The following PDZD8 variants were observed in gnomAD, a reference collection of about 807,000 sequenced individuals.
The protein encoded by PDZD8 is PDZ domain containing 8.
In PDZD8, 14 loss-of-function variants were observed where a neutral mutation model predicts 85.8. The observed-to-expected ratio is 0.16, with a 90% confidence interval of 0.11 to 0.26. The LOEUF (loss-of-function observed/expected upper bound fraction) is 0.26, where lower values mean the gene tolerates loss of function less well. Among genes scored for constraint, PDZD8 ranks in the 10% least tolerant of loss-of-function variants. PDZD8 has a pLI of 1.00. For missense variants in PDZD8, 1,197 were observed against 1,424.3 expected (o/e 0.84, Z 2.57); for synonymous variants, 592 against 568.6 (o/e 1.04, Z -0.59).
chr10:117,331,098 G>A (rs1420639342), intron 2 of PDZD8, among the ~76,000 whole-genome samples: 1 of 152,120 alleles, frequency 6.6e-6, no homozygotes, highest in Non-Finnish European at 1.5e-5. Context: ...TTGTCTGTTA[G>A]CCCTAACTAC....
chr10:117,331,213 G>A (rs1263433223), intron 2 of PDZD8, among the ~76,000 whole-genome samples: 1 of 152,222 alleles, frequency 6.6e-6, no homozygotes, highest in Non-Finnish European at 1.5e-5. Context: ...ACTGGTGGTA[G>A]TGTGGTGGAA....
rs749864097 is a variant in PDZD8, at chr10:117,283,476, G to A, written c.3257C>T (p.Ala1086Val). Residue 1086 changes from alanine (A) to valine (V), a missense_variant, in exon 5 of 5, where the codon GCT becomes GTT. By Grantham distance (64) the Ala-to-Val change is moderately conservative (BLOSUM62 0). Around this residue, in one of 4 missense-constraint regions of PDZD8, gnomAD observed 418 missense variants for 571.1 expected, o/e 0.73. Coordinates refer to ENST00000334464, the MANE Select transcript of PDZD8 (RefSeq NM_173791.5). ...GTAGTGAATCATAAGAAGTGTTAGA[G>A]CTTGTAGCCTTTCACCTGATTTAGC... ...ALAKSGERLQ[A>V]LTLLMIHYRA... 1 of 1,614,102 alleles carries A rather than the reference G, an allele frequency of 6.2e-7. No homozygotes were observed. The highest frequency in any genetic ancestry group is 2.2e-5 in the East Asian group (1 of 44,882).
chr10:117,278,519 A>G lies in PDZD8; in HGVS notation c.*4749T>C, dbSNP rs953120077. 2.0e-5 allele frequency: 3 copies of G among 152,174 alleles called. No individual in the cohort carries two copies. The highest frequency in any genetic ancestry group is 2.0e-4 in the Admixed American group (3 of 15,280). The allele number at this position is 152,174 out of a possible 1,614,324, so 9.4% of individuals were successfully genotyped here. On this transcript the variant is annotated 3_prime_UTR_variant, in exon 5 of 5. Transcript: ENST00000334464. ...CAAATACTGTTAGTGAACATTGTCA[A>G]TTTATGTCATTTTGTTAAGAGATAT...
At chr10:117,330,243 C>T (rs184582300) in intron 2 of PDZD8, among the ~76,000 whole-genome samples, 3 of 152,100 alleles carry the variant, frequency 2.0e-5, no homozygotes, top group Admixed American at 2.0e-4. Context: ...CTCAATTTTC[C>T]TCAATTTTCA....
Position 117,356,639 on chromosome 10 carries a change from AAATT to A in PDZD8, c.873-15541_873-15538del, listed in dbSNP as rs1267355667. Among the ~76,000 whole-genome samples, 477 of 152,370 alleles carry A rather than the reference AAATT, an allele frequency of 3.1e-3. 3 individuals carry two copies. Among genetic ancestry groups the A allele is most frequent in the African/African-American group, 0.011 (462 of 41,594 alleles). ...ATTCCTGACCGCATTTACAAAAGCT[AAATT>A]AGGCTGGTGTGATAAGAGAATAATA... is the stretch of plus-strand genomic sequence containing the variant. On this transcript the variant is annotated intron_variant, in intron 1 of 4. Coordinates refer to ENST00000334464, the MANE Select transcript of PDZD8 (RefSeq NM_173791.5).
chr10:117,291,533 A>AG (rs1315072433), intron 3 of PDZD8, among the ~76,000 whole-genome samples: 1 of 150,390 alleles, frequency 6.6e-6, no homozygotes, highest in Non-Finnish European at 1.5e-5. Context: ...CACCTCAGAA[A>AG]AAAAAAAAGA....
At chr10:117,294,204 G>C (rs1843713207) in intron 3 of PDZD8, among the ~76,000 whole-genome samples, 1 of 151,610 alleles carries the variant, frequency 6.6e-6, no homozygotes, top group Non-Finnish European at 1.5e-5. Flanking sequence ...TTAAATAATA[G>C]AGAAATCAAT....
rs146474977 is a variant in PDZD8 at position 117,287,203 on chromosome 10, C to A, written c.1262-1732G>T. Among the ~76,000 whole-genome samples, 11 of 152,182 alleles carry A rather than the reference C, an allele frequency of 7.2e-5. No homozygotes were observed. In the East Asian group the frequency reaches 1.7e-3, roughly 24 times the overall value. On this transcript the variant is annotated intron_variant, in intron 4 of 4. Transcript: ENST00000334464. The stretch of plus-strand genomic sequence containing the variant: ...TCAATTATCCTTAAACTTTTTCTTC[C>A]TTTTCTTTAAAATTTTTCTTTTTCT...
chr10:117,304,350 G>A (rs1843896197), intron 3 of PDZD8, among the ~76,000 whole-genome samples: 1 of 152,104 alleles, frequency 6.6e-6, no homozygotes, highest in East Asian at 1.9e-4. Flanking sequence ...CCCAATACCT[G>A]TACCCCCATC....
chr10:117,288,017 G>A (rs776595208), intron 4 of PDZD8, among the ~76,000 whole-genome samples: 12 of 151,968 alleles, frequency 7.9e-5, no homozygotes, highest in Admixed American at 2.6e-4. Flanking sequence ...ATCTGCCCTC[G>A]TCTCATCTAT....
intron 1 of PDZD8, among the ~76,000 whole-genome samples, chr10:117,365,265 G>A (rs1416718868): frequency 2.6e-5 from 4 of 152,072 alleles, no homozygotes; most frequent in Admixed American, 6.6e-5. Context: ...GGTACTAATG[G>A]TCAATGTAAT....
At chr10:117,316,215 T>C (rs1360577260) in intron 3 of PDZD8, among the ~76,000 whole-genome samples, 1 of 152,204 alleles carries the variant, frequency 6.6e-6, no homozygotes, top group Non-Finnish European at 1.5e-5. Flanking sequence ...GCTCTTTTAT[T>C]GTATAAATGA....
intron 4 of PDZD8, among the ~76,000 whole-genome samples, chr10:117,289,444 T>C (rs1426389156): frequency 6.6e-6 from 1 of 152,152 alleles, no homozygotes; most frequent in Non-Finnish European, 1.5e-5. Flanking sequence ...GTTCAAGAAA[T>C]CTCTCAACAA....
intron 1 of PDZD8, among the ~76,000 whole-genome samples, chr10:117,350,268 C>CT (rs55833923): frequency 0.026 from 3,577 of 137,664 alleles, 128 homozygotes; most frequent in East Asian, 0.18. Flanking sequence ...TTGTTTGTTT[C>CT]TTTTTTTTTT....
At chr10:117,350,283 T>C (rs972131707) in intron 1 of PDZD8, among the ~76,000 whole-genome samples, 6 of 116,500 alleles carry the variant, frequency 5.2e-5, no homozygotes, top group Non-Finnish European at 8.8e-5. Context: ...TTTTTTTTTT[T>C]TGAGACGGAG....
chr10:117,364,160 C>T (rs771538275), intron 1 of PDZD8, among the ~76,000 whole-genome samples: 1 of 150,366 alleles, frequency 6.7e-6, no homozygotes, highest in East Asian at 2.0e-4. Flanking sequence ...CTGCTGGAGA[C>T]CACAATCAAC....
intron 4 of PDZD8, among the ~76,000 whole-genome samples, chr10:117,286,738 C>CA (rs1803450739): frequency 6.6e-6 from 1 of 152,220 alleles, no homozygotes; most frequent in Admixed American, 6.5e-5. Context: ...CTCTTCTATC[C>CA]AACCCTGTGT....
At chr10:117,299,749 AT>A (rs1228752539) in intron 3 of PDZD8, among the ~76,000 whole-genome samples, 1 of 150,810 alleles carries the variant, frequency 6.6e-6, no homozygotes, top group East Asian at 2.0e-4. Context: ...CTTTTAGTTG[AT>A]TTTCACCTTT....
At chr10:117,295,078 G>A (rs1843732109) in intron 3 of PDZD8, among the ~76,000 whole-genome samples, 1 of 152,054 alleles carries the variant, frequency 6.6e-6, no homozygotes, top group Non-Finnish European at 1.5e-5. Flanking sequence ...CTGGGAAGGT[G>A]GAGGTTGCAT....
Sources: allele counts gnomAD v4.1 joint callset (sites outside exome capture counted in the v4.1 genomes callset), GRCh38; gene constraint gnomAD v4.1.1; regional missense constraint gnomAD v4.1.1; transcripts MANE v1.5; gene names NCBI Gene and HGNC (gene_info 2026-07-23, HGNC 2026-07-21).